The following CAMSAP2 variants were observed in gnomAD, a reference collection of about 807,000 sequenced individuals.
CAMSAP2 encodes calmodulin regulated spectrin associated protein family member 2, also known as calmodulin-regulated spectrin-associated protein 2.
In CAMSAP2, 26 loss-of-function variants were observed where a neutral mutation model predicts 146.1. That is an observed-to-expected ratio of 0.18 (90% CI 0.13 to 0.25). CAMSAP2 has a LOEUF of 0.25. CAMSAP2 is among the 10% of genes least tolerant of loss of function. The pLI, the probability that CAMSAP2 is intolerant of heterozygous loss-of-function variation, is 1.00. For synonymous variants in CAMSAP2, 499 were observed against 596.6 expected, an observed-to-expected ratio of 0.84 and a Z score of 2.38; for missense variants, 1,381 against 1,759.3, an observed-to-expected ratio of 0.78 and a Z score of 3.85.
At chr1:200,783,918 T>C (rs1341893232) in intron 2 of CAMSAP2, among the ~76,000 whole-genome samples, 1 of 152,244 alleles carries the variant, frequency 6.6e-6, no homozygotes, top group Non-Finnish European at 1.5e-5. Context: ...ATTATGGTTG[T>C]AAAGATTTTT....
chr1:200,756,423 A>G (rs2102997251), intron 1 of CAMSAP2, among the ~76,000 whole-genome samples: 1 of 152,230 alleles, frequency 6.6e-6, no homozygotes, highest in African/African-American at 2.4e-5. Flanking sequence ...ACTGCACTCC[A>G]GCCTGGGCGA....
rs1667767965 is a variant in CAMSAP2 at position 200,857,077 on chromosome 1, T to TA, written c.4013-228dup. On this transcript the variant is annotated intron_variant, in intron 15 of 16. Coordinates refer to ENST00000358823, the MANE Select transcript of CAMSAP2 (RefSeq NM_203459.4). This position sits in a 1 kb window ranked among gnomAD's most constrained non-coding sequence, Gnocchi z 4.7. ...AGTTATAGCAATATTTTATTTTTAGTACTGCTCTCACAGGGTACTCCAAAA... is the reference window on the plus strand; with the variant it reads ...AGTTATAGCAATATTTTATTTTTAGTAACTGCTCTCACAGGGTACTCCAAAA... 6.6e-6 allele frequency among the ~76,000 whole-genome samples: 1 copy of TA among 152,198 alleles called. No individual in the cohort carries two copies. Among genetic ancestry groups the TA allele is most frequent in the South Asian group, 2.1e-4 (1 of 4,832 alleles).
chr1:200,851,426 C>G (rs898196190), intron 11 of CAMSAP2, among the ~76,000 whole-genome samples: 8 of 152,166 alleles, frequency 5.3e-5, no homozygotes, highest in Non-Finnish European at 1.0e-4. Flanking sequence ...AACTCCCAAC[C>G]TCAGGTGATC....
intron 1 of CAMSAP2, among the ~76,000 whole-genome samples, chr1:200,760,364 A>G (rs953901000): frequency 6.6e-6 from 1 of 152,230 alleles, no homozygotes; most frequent in African/African-American, 2.4e-5. Context: ...TAAGTTAGGC[A>G]GTCTCTATTC....
intron 2 of CAMSAP2, among the ~76,000 whole-genome samples, chr1:200,768,487 T>C (rs1665021234): frequency 6.6e-6 from 1 of 152,098 alleles, no homozygotes; most frequent in African/African-American, 2.4e-5. Context: ...GGAACCCTAG[T>C]GTAGGGTTTT....
At chr1:200,807,631 C>G in intron 3 of CAMSAP2, 94 bp downstream of exon 3, 4 of 851,324 alleles carry the variant, frequency 4.7e-6, no homozygotes, top group South Asian at 3.9e-5. Context: ...CTTTTTGTTT[C>G]AAATCAAAGT....
chr1:200,846,390 A>T (rs1269123216), intron 8 of CAMSAP2, among the ~76,000 whole-genome samples: 1 of 152,186 alleles, frequency 6.6e-6, no homozygotes, highest in African/African-American at 2.4e-5. Context: ...AAAATGTTTT[A>T]ATTCATGTCC....
chr1:200,799,013 G>A (rs1665963620), intron 2 of CAMSAP2, among the ~76,000 whole-genome samples: 1 of 152,214 alleles, frequency 6.6e-6, no homozygotes, highest in South Asian at 2.1e-4. Context: ...TCCCAGGGAT[G>A]AAGCTGACTT....
intron 2 of CAMSAP2, among the ~76,000 whole-genome samples, chr1:200,802,281 C>T (rs1666054472): frequency 6.6e-6 from 1 of 152,126 alleles, no homozygotes; most frequent in Admixed American, 6.5e-5. Context: ...ATAGACAGAC[C>T]AGGATTTTGA....
intron 11 of CAMSAP2, 115 bp downstream of exon 11, chr1:200,850,349 A>G: frequency 2.3e-6 from 2 of 861,992 alleles, no homozygotes; most frequent in South Asian, 2.0e-5. Flanking sequence ...CCCTTTTGAT[A>G]CAAGTTCATC....
At chr1:200,761,729 C>G (rs984460365) in intron 2 of CAMSAP2, among the ~76,000 whole-genome samples, 10 of 141,624 alleles carry the variant, frequency 7.1e-5, no homozygotes, top group African/African-American at 2.7e-4. Flanking sequence ...GAGCAAAACT[C>G]TGTCTCAAAA....
intron 11 of CAMSAP2, among the ~76,000 whole-genome samples, chr1:200,851,012 A>G (rs1334349120): frequency 6.6e-6 from 1 of 152,186 alleles, no homozygotes; most frequent in Non-Finnish European, 1.5e-5. Context: ...ATTAACTTCA[A>G]GCTTCATCTA....
At chr1:200,758,764 C>A (rs1375423673) in intron 1 of CAMSAP2, among the ~76,000 whole-genome samples, 1 of 152,134 alleles carries the variant, frequency 6.6e-6, no homozygotes, top group Non-Finnish European at 1.5e-5. Flanking sequence ...TTAATGATAT[C>A]ACTGTTTCCC....
chr1:200,748,427 GT>G (rs1409083548), intron 1 of CAMSAP2, among the ~76,000 whole-genome samples: 2 of 151,852 alleles, frequency 1.3e-5, no homozygotes, highest in Non-Finnish European at 2.9e-5. Context: ...TCTCATAAAT[GT>G]TTTTTATTTT....
In CAMSAP2 at chr1:200,858,827, T is replaced by C. The variant is rs1667812383; in HGVS notation, c.*768T>C. ...ATCAGTGCTGTTTTTACACCACTTCTGGCCAACTCAGAATAATTTAGATTG... is the reference window on the plus strand; with the variant it reads ...ATCAGTGCTGTTTTTACACCACTTCCGGCCAACTCAGAATAATTTAGATTG... On this transcript the variant is annotated 3_prime_UTR_variant, in exon 17 of 17. Transcript: ENST00000358823. The C allele has an allele frequency of 1.3e-5, 2 of 152,644 alleles. No homozygotes were observed. The highest frequency in any genetic ancestry group is 4.8e-5 in the African/African-American group (2 of 41,458). 9.5% of individuals were successfully genotyped at this position (152,644 alleles called of 1,614,324 possible). A position where few individuals can be genotyped will look rare whatever the true frequency, so the allele number is the denominator to read the frequency against.
At chr1:200,757,803 C>G (rs1664691796) in intron 1 of CAMSAP2, among the ~76,000 whole-genome samples, 1 of 152,134 alleles carries the variant, frequency 6.6e-6, no homozygotes, top group South Asian at 2.1e-4. Context: ...ATTCTTGAAA[C>G]AGTCTTTGAT....
At chr1:200,796,906 G>A (rs1388153659) in intron 2 of CAMSAP2, among the ~76,000 whole-genome samples, 2 of 151,548 alleles carry the variant, frequency 1.3e-5, no homozygotes, top group African/African-American at 2.4e-5. Flanking sequence ...CCACCTATGA[G>A]TGAGAATATG....
chr1:200,739,620 AGCGGCGGCGGCG>A lies in CAMSAP2; in HGVS notation c.-196_-185del, dbSNP rs540847853. On this transcript the variant is annotated 5_prime_UTR_variant, in exon 1 of 17. Coordinates refer to ENST00000358823, the MANE Select transcript of CAMSAP2 (RefSeq NM_203459.4). This position sits in a 1 kb window ranked among gnomAD's most constrained non-coding sequence, Gnocchi z 4.8. ...GCGCCGCCACATTCCTATGCCCGGG[AGCGGCGGCGGCG>A]GCGGCGGCGGCTCCCGCGGGAGGCG... 3.3e-6 allele frequency: 1 copy of A among 304,296 alleles called. No individual in the cohort carries two copies. Among genetic ancestry groups the A allele is most frequent in the Non-Finnish European group, 5.7e-6 (1 of 176,658 alleles). 18.8% of individuals were successfully genotyped at this position (304,296 alleles called of 1,614,324 possible). A position where few individuals can be genotyped will look rare whatever the true frequency, so the allele number is the denominator to read the frequency against.
At position 200,853,057 on chromosome 1, in the gene CAMSAP2, T is replaced by C. The variant is rs2102262766; in HGVS notation, c.3603-218T>C. Among the ~76,000 whole-genome samples, 1 of 152,140 alleles carries C rather than the reference T, an allele frequency of 6.6e-6. No homozygotes were observed. The highest frequency in any genetic ancestry group is 2.1e-4 in the South Asian group (1 of 4,810). On this transcript the variant is annotated intron_variant, in intron 12 of 16. Transcript: ENST00000358823. This position sits in a 1 kb window ranked among gnomAD's most constrained non-coding sequence, Gnocchi z 5.1. ...ACCTAAATTATCTCAAATACCTTTA[T>C]TTTTATTTATTTATTTGACTCTTCC...
Sources: allele counts gnomAD v4.1 joint callset (sites outside exome capture counted in the v4.1 genomes callset), GRCh38; gene constraint gnomAD v4.1.1; non-coding constraint Gnocchi (gnomAD v3.1); transcripts MANE v1.5; gene names NCBI Gene and HGNC (gene_info 2026-07-23, HGNC 2026-07-21).